The following ESD variants were observed in gnomAD, a reference collection of about 807,000 sequenced individuals.
The protein encoded by ESD is S-formylglutathione hydrolase.
Under a neutral mutation model 38.1 loss-of-function variants are expected in ESD, and 34 were observed. The observed-to-expected ratio is 0.89, with a 90% CI of 0.68 to 1.19. The LOEUF is 1.19. ESD is among the 50% of genes most tolerant of loss of function. The pLI is 0.00. For synonymous variants in ESD, 97 were observed against 107.0 expected, an observed-to-expected ratio of 0.91 and a Z score of 0.58; for missense variants, 334 against 327.2, an observed-to-expected ratio of 1.02 and a Z score of -0.16.
At chr13:46,773,398 T>A (rs1051503978) in intron 9 of ESD, among the ~76,000 whole-genome samples, 4 of 152,206 alleles carry the variant, frequency 2.6e-5, no homozygotes, top group African/African-American at 9.7e-5. Context: ...CCAGATAATT[T>A]ATCCCTATCT....
intron 3 of ESD, chr13:46,790,633 T>C (rs1875363853): frequency 6.6e-6 from 1 of 152,220 alleles, no homozygotes. Context: ...AGGCAGTCCA[T>C]AAAGCTGGGA....
rs781307205 is a variant in ESD, at chr13:46,784,269, G to A, written c.239C>T (p.Ala80Val). ...SASEHGLVVI[A>V]PDTSPRGCNI... is the part of the protein sequence containing the mutation. ...ACACTTACGAGGGCTGGTATCTGGA[G>A]CAATGACAACAAGACCATGTTCTGA... The change falls in exon 5 of 10, where the codon GCT becomes GTT. Residue 80 changes from alanine (A) to valine (V), a missense_variant. Coordinates refer to ENST00000378720, the MANE Select transcript of ESD (RefSeq NM_001984.2). The A allele has an allele frequency of 4.3e-5, 70 of 1,611,510 alleles. No homozygotes were observed. The highest frequency in any genetic ancestry group is 5.5e-5 in the Non-Finnish European group (65 of 1,178,662).
chr13:46,796,254 G>A (rs1875571509), intron 1 of ESD, among the ~76,000 whole-genome samples: 1 of 152,194 alleles, frequency 6.6e-6, no homozygotes, highest in Non-Finnish European at 1.5e-5. Flanking sequence ...GACCCTCCGG[G>A]TTCAAACCCT....
intron 3 of ESD, among the ~76,000 whole-genome samples, chr13:46,790,357 G>A (rs1212638004): frequency 2.0e-5 from 3 of 152,022 alleles, no homozygotes; most frequent in Non-Finnish European, 4.4e-5. Context: ...TTACTGTAAG[G>A]TCTGGTTAGG....
intron 9 of ESD, among the ~76,000 whole-genome samples, chr13:46,772,913 T>A (rs1467211756): frequency 6.6e-6 from 1 of 152,160 alleles, no homozygotes; most frequent in Non-Finnish European, 1.5e-5. Context: ...CTCGATCTCC[T>A]GACCTTGTGA....
At chr13:46,791,222 A>G (rs1045820437) in intron 3 of ESD, 124 bp downstream of exon 3, 2 of 667,990 alleles carry the variant, frequency 3.0e-6, no homozygotes, top group Non-Finnish European at 5.1e-6. Flanking sequence ...AACCACAGAA[A>G]GAGAGTAAGC....
At chr13:46,777,751 A>C in intron 8 of ESD, 128 bp from the exon 9 acceptor site, 1 of 668,456 alleles carries the variant, frequency 1.5e-6, no homozygotes, top group South Asian at 5.3e-5. Context: ...ATATGCTTTT[A>C]AGTTGGTTCA....
At chr13:46,788,343 C>T (rs8192887) in intron 3 of ESD, among the ~76,000 whole-genome samples, 16,607 of 151,914 alleles carry the variant, frequency 0.11, 1,230 homozygotes, top group East Asian at 0.4. Context: ...TGACTGACGG[C>T]ACAAAAAATT....
intron 4 of ESD, among the ~76,000 whole-genome samples, chr13:46,786,430 T>A (rs551032873): frequency 6.6e-6 from 1 of 152,148 alleles, no homozygotes; most frequent in East Asian, 1.9e-4. Context: ...ACCAGCGTCT[T>A]GTGAAAGAAA....
Position 46,771,308 on chromosome 13 carries a change from T to G in ESD, c.*108A>C. Reference sequence around the variant, plus strand: ...ATTCAACTATAGAATAAAGCCCTTTTAGCACTATAAAATCCAATGTTTTGA... The same window carrying G: ...ATTCAACTATAGAATAAAGCCCTTTGAGCACTATAAAATCCAATGTTTTGA... On this transcript the variant is annotated 3_prime_UTR_variant, in exon 10 of 10. Coordinates refer to ENST00000378720, the MANE Select transcript of ESD (RefSeq NM_001984.2). The G allele has an allele frequency of 1.5e-6, 1 of 680,486 alleles. No homozygotes were observed. Among genetic ancestry groups the G allele is most frequent in the South Asian group, 2.0e-5 (1 of 50,904 alleles). The allele number at this position is 680,486 out of a possible 1,614,324, so 42.2% of individuals were successfully genotyped here.
intron 9 of ESD, 92 bp from the exon 10 acceptor site, chr13:46,771,588 GC>G: frequency 1.3e-6 from 1 of 763,392 alleles, no homozygotes; most frequent in East Asian, 2.7e-5. Flanking sequence ...CGTTTAATTT[GC>G]TTACAAATAG....
chr13:46,796,040 AAAT>A (rs1451530224), intron 1 of ESD, among the ~76,000 whole-genome samples: 4 of 152,148 alleles, frequency 2.6e-5, no homozygotes, highest in African/African-American at 9.7e-5. Context: ...TTTTTAAAAA[AAAT>A]ATAGCATCTA....
At chr13:46,791,174 CCA>C (rs1175697377) in intron 3 of ESD, among the ~76,000 whole-genome samples, 170 bp downstream of exon 3, 2 of 152,084 alleles carry the variant, frequency 1.3e-5, no homozygotes, top group Admixed American at 6.6e-5. Context: ...ACAATCACAT[CCA>C]CAGTTAATTA....
chr13:46,794,698 T>C (rs1875518565), intron 1 of ESD, among the ~76,000 whole-genome samples: 1 of 152,132 alleles, frequency 6.6e-6, no homozygotes, highest in Non-Finnish European at 1.5e-5. Flanking sequence ...GATGTCCTAT[T>C]CCACTGGCTC....
chr13:46,771,870 A>C (rs549580521), intron 9 of ESD, among the ~76,000 whole-genome samples: 40 of 152,230 alleles, frequency 2.6e-4, no homozygotes, highest in Non-Finnish European at 4.1e-4. Context: ...TGTCATTGAA[A>C]ATGACACTAT....
chr13:46,777,815 A>G (rs772640374), intron 8 of ESD, among the ~76,000 whole-genome samples, 192 bp from the exon 9 acceptor site: 1 of 151,874 alleles, frequency 6.6e-6, no homozygotes, highest in African/African-American at 2.4e-5. Flanking sequence ...CTATTTTCTA[A>G]TAATAGTCTC....
chr13:46,772,670 A>G (rs950839312), intron 9 of ESD, among the ~76,000 whole-genome samples: 1 of 151,920 alleles, frequency 6.6e-6, no homozygotes, highest in Admixed American at 6.5e-5. Flanking sequence ...GCTCCTGCTT[A>G]TAAGTGAGAG....
intron 9 of ESD, among the ~76,000 whole-genome samples, chr13:46,772,906 G>C (rs141274697): frequency 5.9e-4 from 90 of 152,142 alleles, no homozygotes; most frequent in Middle Eastern, 3.4e-3. Flanking sequence ...GGATGGTCTC[G>C]ATCTCCTGAC....
chr13:46,778,580 C>T (rs1241951377), intron 8 of ESD, among the ~76,000 whole-genome samples: 1 of 151,800 alleles, frequency 6.6e-6, no homozygotes, highest in African/African-American at 2.4e-5. Context: ...CTCTACCTCT[C>T]ACCTTCACCC....
Sources: gnomAD v4.1 joint callset for allele counts (sites outside exome capture counted in the v4.1 genomes callset) on GRCh38, gnomAD v4.1.1 for gene constraint, MANE v1.5 for transcripts, NCBI Gene and HGNC (gene_info 2026-07-23, HGNC 2026-07-21) for gene names.